The following ENTPD3 variants were observed in gnomAD, a reference collection of about 807,000 sequenced individuals.
ENTPD3 encodes the protein ectonucleoside triphosphate diphosphohydrolase 3, also known as CD39 antigen-like 3.
In ENTPD3, 60 loss-of-function variants were observed where a neutral mutation model predicts 51.2. The ratio of observed to expected loss-of-function variants is 1.17; its 90% CI spans 0.95 to 1.45. ENTPD3 has a LOEUF of 1.45. Ranked by LOEUF, ENTPD3 falls within the 40% of genes most tolerant of loss-of-function variation. The pLI is 0.00. For synonymous variants in ENTPD3, 221 were observed against 238.4 expected (o/e 0.93, Z 0.67); for missense variants, 593 against 641.1 (o/e 0.93, Z 0.81).
intron 6 of ENTPD3, 46 bp from the exon 7 acceptor site, chr3:40,415,794 A>G: frequency 1.3e-6 from 2 of 1,510,964 alleles, no homozygotes; most frequent in Non-Finnish European, 1.8e-6. Context: ...GCAAACAGAG[A>G]TGGTGCCTTT....
chr3:40,402,123 C>CTTTTTT (rs58000344), intron 4 of ENTPD3, among the ~76,000 whole-genome samples: 12,266 of 94,638 alleles, frequency 0.13, 2,989 homozygotes, highest in African/African-American at 0.41. Context: ...TTTTTTTTTT[C>CTTTTTT]TTTTTTTTTT....
chr3:40,401,587 A>G (rs947843664), intron 4 of ENTPD3, among the ~76,000 whole-genome samples: 3 of 152,234 alleles, frequency 2.0e-5, no homozygotes, highest in African/African-American at 7.2e-5. Flanking sequence ...GATAAGGAGT[A>G]GTCCTGTGTA....
In ENTPD3 at chr3:40,423,127, G is replaced by A. The variant is rs777154894; in HGVS notation, c.1104+5G>A. The A allele has an allele frequency of 1.2e-6, 2 of 1,603,860 alleles. No individual in the cohort carries two copies. The highest frequency in any genetic ancestry group is 4.5e-5 in the East Asian group (2 of 44,716). Reference sequence around the variant, plus strand: ...AAGATTAAAGGGCCATTTGTGGTAAGAGCAAAACCTTCTGAAAGATTCCTT... The same window carrying A: ...AAGATTAAAGGGCCATTTGTGGTAAAAGCAAAACCTTCTGAAAGATTCCTT... On this transcript the variant is annotated splice_donor_5th_base_variant and intron_variant, in intron 8 of 10. Transcript: ENST00000301825.
intron 3 of ENTPD3, among the ~76,000 whole-genome samples, chr3:40,396,388 A>G (rs1955200745): frequency 6.6e-6 from 1 of 152,104 alleles, no homozygotes; most frequent in South Asian, 2.1e-4. Flanking sequence ...TTTTTATACC[A>G]TGAGCCCTGT....
chr3:40,403,383 T>G (rs1456878346), intron 4 of ENTPD3, among the ~76,000 whole-genome samples: 1 of 152,144 alleles, frequency 6.6e-6, no homozygotes, highest in Non-Finnish European at 1.5e-5. Context: ...GAAGTCAAAC[T>G]TCAACTCAGG....
intron 4 of ENTPD3, among the ~76,000 whole-genome samples, chr3:40,408,637 T>C (rs1955558151): frequency 6.6e-6 from 1 of 152,236 alleles, no homozygotes. Flanking sequence ...GAGAGCTTAA[T>C]CTCACATTTT....
In ENTPD3 at chr3:40,422,868, C is replaced by T. The variant is rs762813539; in HGVS notation, c.850C>T (p.His284Tyr). ...MLLQNSPTKN[H>Y]LTNPCYPRDY... ...CCTACAGAATTCTCCTACCAAAAAC[C>T]ATCTCACCAATCCCTGTTACCCTCG... is the stretch of plus-strand genomic sequence containing the variant. Residue 284 changes from histidine to tyrosine, a missense_variant, in exon 8 of 11, where the codon CAT becomes TAT. Transcript: ENST00000301825. 6.2e-7 allele frequency: 1 copy of T among 1,612,472 alleles called. No individual in the cohort carries two copies. Among genetic ancestry groups the T allele is most frequent in the Admixed American group, 1.7e-5 (1 of 59,920 alleles).
chr3:40,388,078 C>T lies in ENTPD3; in HGVS notation c.21C>T (p.Arg7=). 2 of 1,614,106 alleles carry T rather than the reference C, an allele frequency of 1.2e-6. No individual in the cohort carries two copies. The highest frequency in any genetic ancestry group is 1.7e-6 in the Non-Finnish European group (2 of 1,180,000). Residue 7 remains arginine, a synonymous_variant, in exon 2 of 11, where the codon CGC becomes CGT. Transcript: ENST00000301825. ...AAAAGATGTTCACTGTGCTGACCCGCCAACCATGTGAGCAAGCAGGTTAGT... is the reference window on the plus strand; with the variant it reads ...AAAAGATGTTCACTGTGCTGACCCGTCAACCATGTGAGCAAGCAGGTTAGT... The part of the protein sequence containing the change: MFTVLT[R]QPCEQAGLKA...
chr3:40,407,888 G>A (rs1325000219), intron 4 of ENTPD3, among the ~76,000 whole-genome samples: 4 of 152,168 alleles, frequency 2.6e-5, no homozygotes, highest in Admixed American at 2.6e-4. Context: ...CCCCAGTGCG[G>A]TGATGTACAC....
intron 8 of ENTPD3, 23 bp from the exon 9 acceptor site, chr3:40,423,268 T>G: frequency 6.3e-7 from 1 of 1,594,456 alleles, no homozygotes; most frequent in Non-Finnish European, 8.6e-7. Flanking sequence ...GAACTAATTT[T>G]CTTCTGTATT....
chr3:40,398,461 G>A (rs1955262262), intron 3 of ENTPD3, among the ~76,000 whole-genome samples: 1 of 152,112 alleles, frequency 6.6e-6, no homozygotes, highest in East Asian at 1.9e-4. Context: ...TAGAGGCCTG[G>A]ACCTCTTTAG....
In ENTPD3 at chr3:40,387,709, C is replaced by T. The variant is rs542024091; in HGVS notation, c.-12-337C>T. On this transcript the variant is annotated intron_variant, in intron 1 of 10. Transcript: ENST00000301825. ...GTTCTGAAAAAAAGCCCCGCCTCAG[C>T]TTTGTGAATGTTAATAATAGGGGGA... Among the ~76,000 whole-genome samples, 7 of 152,298 alleles carry T rather than the reference C, an allele frequency of 4.6e-5. No homozygotes were observed. In the East Asian group the frequency reaches 1.4e-3, roughly 29 times the overall value.
intron 3 of ENTPD3, among the ~76,000 whole-genome samples, chr3:40,395,304 G>A (rs1030350436): frequency 6.6e-6 from 1 of 152,226 alleles, no homozygotes; most frequent in Non-Finnish European, 1.5e-5. Flanking sequence ...AGACATGGAG[G>A]AATCAGATGG....
chr3:40,406,894 C>T (rs1249952513), intron 4 of ENTPD3, among the ~76,000 whole-genome samples: 1 of 152,152 alleles, frequency 6.6e-6, no homozygotes, highest in Admixed American at 6.5e-5. Flanking sequence ...CCCAAAATGT[C>T]AGTAGCACCA....
intron 6 of ENTPD3, 53 bp downstream of exon 6, chr3:40,414,893 G>A: frequency 6.3e-7 from 1 of 1,575,636 alleles, no homozygotes; most frequent in South Asian, 1.1e-5. Flanking sequence ...CCTATCCCCT[G>A]TGAGTGATAG....
At chr3:40,394,485 C>A in intron 3 of ENTPD3, 1 of 157,712 alleles carries the variant, frequency 6.3e-6, no homozygotes, top group South Asian at 1.7e-4. Flanking sequence ...AGCGCTTTTC[C>A]CTCATTACAT....
chr3:40,424,165 A>G, intron 10 of ENTPD3: 1 of 985,408 alleles, frequency 1.0e-6, no homozygotes, highest in Admixed American at 6.1e-5. Context: ...ATTCTCCTGG[A>G]AAAGACTGGA....
At chr3:40,399,320 TTTTA>T (rs1352933061) in intron 3 of ENTPD3, among the ~76,000 whole-genome samples, 32 of 152,342 alleles carry the variant, frequency 2.1e-4, no homozygotes, top group Admixed American at 1.5e-3. Context: ...TGTTTTGTGA[TTTTA>T]TTTGTTTCTT....
intron 7 of ENTPD3, among the ~76,000 whole-genome samples, chr3:40,419,321 T>C (rs998333072): frequency 4.6e-5 from 7 of 152,212 alleles, no homozygotes; most frequent in African/African-American, 1.7e-4. Context: ...TTACCACCCA[T>C]GTTGTGATGA....
Sources: allele counts gnomAD v4.1 joint callset (sites outside exome capture counted in the v4.1 genomes callset), GRCh38; gene constraint gnomAD v4.1.1; transcripts MANE v1.5; gene names NCBI Gene and HGNC (gene_info 2026-07-23, HGNC 2026-07-21).